ATG13: variants seen among roughly 807,000 people sequenced by gnomAD.
ATG13 encodes autophagy related 13, also known as autophagy-related protein 13.
ATG13 carries 23 observed loss-of-function variants against 65.5 expected under a neutral mutation model. That is an observed-to-expected ratio of 0.35 (90% CI 0.25 to 0.50). ATG13 has a LOEUF of 0.50. Among genes scored for constraint, ATG13 ranks in the 20% least tolerant of loss-of-function variants. The pLI is 0.98. For missense variants in ATG13, 566 were observed against 677.0 expected (o/e 0.84, Z 1.82); for synonymous variants, 252 against 245.2 (o/e 1.03, Z -0.26).
rs771230607 is a variant in ATG13, at chr11:46,664,830, T to TTGTTTTTC, written c.889-17_889-10dup. ...TTCCTTGCCTTTCCTTTTCTCCTCT[T>TTGTTTTTC]TGTTTTTCTCTTGCTTAGCTCTCAA... On this transcript the variant is annotated intron_variant, in intron 12 of 18. Transcript: ENST00000683050. The TTGTTTTTC allele has an allele frequency of 3.1e-6, 5 of 1,603,480 alleles. No homozygotes were observed. The African/African-American group carries it at 4.0e-5, about 13-fold the overall frequency.
chr11:46,647,699 A>G (rs1169381806), intron 5 of ATG13, among the ~76,000 whole-genome samples: 5 of 151,208 alleles, frequency 3.3e-5, no homozygotes, highest in Non-Finnish European at 5.9e-5. Flanking sequence ...AGCCTTTCCA[A>G]GTAGCTGGGA....
intron 7 of ATG13, 86 bp downstream of exon 7, chr11:46,650,403 G>A: frequency 6.7e-7 from 1 of 1,492,810 alleles, no homozygotes; most frequent in Non-Finnish European, 9.1e-7. Flanking sequence ...CTGTGATGAT[G>A]TTTTGGACAG....
chr11:46,643,098 G>A (rs903307924), intron 2 of ATG13, among the ~76,000 whole-genome samples: 3 of 152,156 alleles, frequency 2.0e-5, no homozygotes, highest in Non-Finnish European at 2.9e-5. Flanking sequence ...CAGCATAGCC[G>A]AGTTCTGATT....
At position 46,617,842 on chromosome 11, in the gene ATG13, G is replaced by A. The variant is rs2045776089; in HGVS notation, c.-118G>A. On this transcript the variant is annotated 5_prime_UTR_variant, in exon 1 of 19. Coordinates refer to ENST00000683050, the MANE Select transcript of ATG13 (RefSeq NM_001346311.2). ...CGCGGCTGGTCGGTCCCAGGTCCCG[G>A]CCTCCGTAATGAGAGCCCGGAACCA... The A allele has an allele frequency of 5.0e-6, 2 of 399,218 alleles. No homozygotes were observed. Among genetic ancestry groups the A allele is most frequent in the Non-Finnish European group, 8.8e-6 (2 of 226,178 alleles). The allele number at this position is 399,218 out of a possible 1,614,324, so 24.7% of individuals were successfully genotyped here. A position where few individuals can be genotyped will look rare whatever the true frequency, so the allele number is the denominator to read the frequency against.
At chr11:46,624,265 A>G (rs1217725610) in intron 1 of ATG13, among the ~76,000 whole-genome samples, 2 of 152,166 alleles carry the variant, frequency 1.3e-5, no homozygotes, top group Admixed American at 6.5e-5. Context: ...AGCCTGCCAA[A>G]GTGCTGGGAT....
chr11:46,663,945 CTTTTTT>C, intron 11 of ATG13, 46 bp from the exon 12 acceptor site: 47 of 762,962 alleles, frequency 6.2e-5, no homozygotes, highest in East Asian at 9.3e-5. Context: ...AGTCCCTTTT[CTTTTTT>C]TTTTTTTTTT....
intron 18 of ATG13, among the ~76,000 whole-genome samples, chr11:46,670,945 A>C (rs1187357084): frequency 1.3e-5 from 2 of 152,244 alleles, no homozygotes; most frequent in African/African-American, 4.8e-5. Context: ...GAAAACCAAC[A>C]ATGATTAGCT....
At chr11:46,656,371 C>G in intron 8 of ATG13, 98 bp downstream of exon 8, 1 of 1,260,812 alleles carries the variant, frequency 7.9e-7, no homozygotes, top group South Asian at 1.3e-5. Context: ...AGATTGTCAT[C>G]TTAATATGCA....
intron 1 of ATG13, chr11:46,625,239 C>G (rs2049088505): frequency 1.4e-5 from 2 of 146,246 alleles, no homozygotes; most frequent in Admixed American, 1.4e-4. Flanking sequence ...TTTTTTTTTC[C>G]TAAGGTACTT....
chr11:46,627,620 G>T (rs2050161714), intron 1 of ATG13, among the ~76,000 whole-genome samples: 1 of 151,822 alleles, frequency 6.6e-6, no homozygotes, highest in African/African-American at 2.4e-5. Flanking sequence ...ACAGGCATGT[G>T]TCACCATGCC....
intron 15 of ATG13, among the ~76,000 whole-genome samples, chr11:46,668,189 G>C (rs1335647205): frequency 6.6e-6 from 1 of 152,174 alleles, no homozygotes; most frequent in Non-Finnish European, 1.5e-5. Flanking sequence ...TATTTGAATT[G>C]AACTAGGAGG....
intron 1 of ATG13, among the ~76,000 whole-genome samples, chr11:46,623,402 G>A (rs950357748): frequency 1.3e-5 from 2 of 152,096 alleles, no homozygotes; most frequent in African/African-American, 4.8e-5. Context: ...TGGACCATAT[G>A]ATGGCAACTA....
chr11:46,635,611 G>A (rs561440044), intron 2 of ATG13, among the ~76,000 whole-genome samples: 3 of 152,284 alleles, frequency 2.0e-5, no homozygotes, highest in South Asian at 2.1e-4. Flanking sequence ...GTATTCATAG[G>A]AGCACTCAAA....
At chr11:46,661,643 G>A (rs2061250981) in intron 11 of ATG13, among the ~76,000 whole-genome samples, 1 of 151,938 alleles carries the variant, frequency 6.6e-6, no homozygotes, top group South Asian at 2.1e-4. Flanking sequence ...ACCAGCCTGG[G>A]CAACATGGTG....
intron 12 of ATG13, 141 bp downstream of exon 12, chr11:46,664,236 T>C (rs746329291): frequency 7.0e-5 from 47 of 676,232 alleles, no homozygotes; most frequent in Non-Finnish European, 9.7e-5. Context: ...TAGATTTTAA[T>C]AGGACACAGC....
rs1291621975 is a variant in ATG13 at position 46,672,415 on chromosome 11, C to G, written c.*83C>G. The G allele has an allele frequency of 2.5e-6, 4 of 1,607,358 alleles. No homozygotes were observed. In the African/African-American group the frequency reaches 4.0e-5, roughly 16 times the overall value. The stretch of plus-strand genomic sequence containing the variant: ...TCCCATGCATCAGCTGCTCCCACCC[C>G]TCATCCTGCTCTGAGCCAGGTGGAA... On this transcript the variant is annotated 3_prime_UTR_variant, in exon 19 of 19. Transcript: ENST00000683050.
intron 1 of ATG13, among the ~76,000 whole-genome samples, chr11:46,626,374 C>A (rs1466503310): frequency 1.3e-5 from 2 of 152,108 alleles, no homozygotes; most frequent in Admixed American, 1.3e-4. Flanking sequence ...CCTCATCCTC[C>A]CGAGTTGCTG....
chr11:46,635,652 G>T (rs987569109), intron 2 of ATG13, among the ~76,000 whole-genome samples: 3 of 152,228 alleles, frequency 2.0e-5, no homozygotes, highest in Non-Finnish European at 4.4e-5. Flanking sequence ...AAAGCGTAAA[G>T]TAAACCTTAC....
chr11:46,629,510 C>T (rs1478280019), intron 1 of ATG13, among the ~76,000 whole-genome samples: 1 of 152,058 alleles, frequency 6.6e-6, no homozygotes, highest in Admixed American at 6.6e-5. Flanking sequence ...GATTCTCCTG[C>T]CTCAGCCTCC....
Sources: allele counts gnomAD v4.1 joint callset (sites outside exome capture counted in the v4.1 genomes callset), GRCh38; gene constraint gnomAD v4.1.1; transcripts MANE v1.5; gene names NCBI Gene and HGNC (gene_info 2026-07-23, HGNC 2026-07-21).